Variants in PLA2G4C observed in about 807,000 individuals in gnomAD.
PLA2G4C encodes phospholipase A2 group IVC.
A neutral mutation model predicts 73.8 loss-of-function variants in PLA2G4C; 64 were observed. That is an observed-to-expected ratio of 0.87 (90% CI 0.71 to 1.07). PLA2G4C has a LOEUF of 1.07. Among genes scored for constraint, PLA2G4C ranks in the 50% least tolerant of loss-of-function variants. The pLI is 0.00. For synonymous variants in PLA2G4C, 254 were observed against 252.1 expected (o/e 1.01, Z -0.07); for missense variants, 622 against 665.4 (o/e 0.93, Z 0.72).
In PLA2G4C at chr19:48,068,731, T is replaced by TAA. The variant is rs532183992; in HGVS notation, c.1007-847_1007-846dup. Reference sequence around the variant, plus strand: ...TTAGATACAAGGGAGACCTTGTATCTAAAAAAAAAAAAAAAAGAAAAAAAG... The same window carrying TAA: ...TTAGATACAAGGGAGACCTTGTATCTAAAAAAAAAAAAAAAAAAGAAAAAAAG... On this transcript the variant is annotated intron_variant, in intron 12 of 16. Transcript: ENST00000599921. Among the ~76,000 whole-genome samples the TAA allele has an allele frequency of 6.0e-3, 587 of 97,816 alleles. 6 individuals carry two copies. The highest frequency in any genetic ancestry group is 0.02 in the African/African-American group (510 of 25,836). The allele number at this position is 97,816 out of a possible 152,430, so 64.2% of individuals were successfully genotyped here.
In PLA2G4C at chr19:48,104,405, G is replaced by A. The variant is rs2032062322; in HGVS notation, c.257+183C>T. 17 of 572,916 alleles carry A rather than the reference G, an allele frequency of 3.0e-5. No individual in the cohort carries two copies. In the East Asian group the frequency reaches 5.0e-4, roughly 17 times the overall value. The allele number at this position is 572,916 out of a possible 1,614,324, so 35.5% of individuals were successfully genotyped here. A position where few individuals can be genotyped will look rare whatever the true frequency, so the allele number is the denominator to read the frequency against. On this transcript the variant is annotated intron_variant, in intron 4 of 16. Transcript: ENST00000599921. ...TTTTGGGACTGAGCCCCTTTCACCT[G>A]TGGAATCTGATGTGAACTCCAGGTA...
intron 13 of PLA2G4C, among the ~76,000 whole-genome samples, chr19:48,066,044 G>T (rs11564626): frequency 5.3e-5 from 8 of 150,350 alleles, no homozygotes; most frequent in African/African-American, 7.4e-5. Flanking sequence ...CTGAGATCGC[G>T]CCATTGCACT....
chr19:48,077,952 T>C, intron 10 of PLA2G4C, 128 bp from the exon 11 acceptor site: 1 of 660,836 alleles, frequency 1.5e-6, no homozygotes, highest in Non-Finnish European at 2.5e-6. Context: ...TTGATACGGG[T>C]TCTGGAGAGC....
At chr19:48,109,963 A>G (rs1294560680) in intron 1 of PLA2G4C, among the ~76,000 whole-genome samples, 1 of 149,062 alleles carries the variant, frequency 6.7e-6, no homozygotes, top group East Asian at 2.1e-4. Flanking sequence ...TGGTTTTATA[A>G]GGAGAGATTA....
At chr19:48,064,609 G>A (rs908682392) in intron 13 of PLA2G4C, 14 of 152,118 alleles carry the variant, frequency 9.2e-5, no homozygotes, top group African/African-American at 2.4e-4. Context: ...ACCATCTAGA[G>A]GCTAGGAATG....
intron 12 of PLA2G4C, among the ~76,000 whole-genome samples, chr19:48,070,201 A>T (rs1968604397): frequency 6.6e-6 from 1 of 152,202 alleles, no homozygotes; most frequent in Admixed American, 6.6e-5. Flanking sequence ...AGGATGGTTT[A>T]ACATGTCAAC....
At chr19:48,062,705 G>C (rs1004670447) in intron 13 of PLA2G4C, among the ~76,000 whole-genome samples, 2 of 152,184 alleles carry the variant, frequency 1.3e-5, no homozygotes, top group African/African-American at 4.8e-5. Context: ...TCTTTAAAGA[G>C]GTAATTAAGG....
rs1967881711 is a variant in PLA2G4C at position 48,055,033 on chromosome 19, G to T, written c.1274C>A (p.Thr425Asn). 1 of 1,609,618 alleles carries T rather than the reference G, an allele frequency of 6.2e-7. No individual in the cohort carries two copies. The highest frequency in any genetic ancestry group is 1.7e-5 in the Admixed American group (1 of 59,692). Residue 425 changes from threonine (T) to asparagine (N), a missense_variant, in exon 15 of 17, where the codon ACT becomes AAT. Thr to Asn is a moderately conservative substitution (Grantham distance 65). Transcript: ENST00000599921. ...GATCTTGTGGCGGCGGCAGTAGTCAGTGGTAGCCCGGATGGTCTGAGAAGG... is the reference window on the plus strand; with the variant it reads ...GATCTTGTGGCGGCGGCAGTAGTCATTGGTAGCCCGGATGGTCTGAGAAGG... ...GDPFETIRAT[T>N]DYCRRHKIPF...
chr19:48,080,545 A>G (rs547485635), intron 10 of PLA2G4C, among the ~76,000 whole-genome samples: 6 of 152,278 alleles, frequency 3.9e-5, no homozygotes, highest in African/African-American at 1.4e-4. Context: ...GCAGTGGCTC[A>G]CGCCTGTAAT....
rs1600164630 is a variant in PLA2G4C, at chr19:48,061,903, C to T, written c.1257+95G>A. The T allele has an allele frequency of 6.8e-6, 9 of 1,318,976 alleles. 1 individual carries two copies. Among genetic ancestry groups the T allele is most frequent in the South Asian group, 5.0e-5 (4 of 80,486 alleles). 81.7% of individuals were successfully genotyped at this position (1,318,976 alleles called of 1,614,324 possible). ...TCCCAGCCAGCACCTCCCCATTGCC[C>T]GCTTCCCAGCCCGCGTCCTCAGTTC... is the stretch of plus-strand genomic sequence containing the variant. On this transcript the variant is annotated intron_variant, in intron 14 of 16. Coordinates refer to ENST00000599921, the MANE Select transcript of PLA2G4C (RefSeq NM_003706.3).
At chr19:48,109,275 C>T (rs1001772311) in intron 1 of PLA2G4C, among the ~76,000 whole-genome samples, 22 of 150,892 alleles carry the variant, frequency 1.5e-4, no homozygotes, top group African/African-American at 5.1e-4. Flanking sequence ...GATTCTTTTT[C>T]GTTGTTTGCT....
At chr19:48,067,411 G>A (rs1347311762) in intron 13 of PLA2G4C, among the ~76,000 whole-genome samples, 4 of 152,030 alleles carry the variant, frequency 2.6e-5, no homozygotes, top group Middle Eastern at 3.4e-3. Context: ...CAAGTGATCC[G>A]CCCGCCTCAG....
chr19:48,053,473 G>A lies in PLA2G4C; in HGVS notation c.1430-326C>T, dbSNP rs570068726. On this transcript the variant is annotated intron_variant, in intron 15 of 16. Coordinates refer to ENST00000599921, the MANE Select transcript of PLA2G4C (RefSeq NM_003706.3). ...TAACCTCCACCTCCTAGATTCAAGC[G>A]ATTCTCCTGCCTCAGCCTCCCAAGT... Among the ~76,000 whole-genome samples, 24 of 148,834 alleles carry A rather than the reference G, an allele frequency of 1.6e-4. No homozygotes were observed. In the East Asian group the frequency reaches 2.4e-3, roughly 15 times the overall value.
rs417931 is a variant in PLA2G4C, at chr19:48,107,623, G to A, written c.-32-1062C>T. ...CAGGAAAGGGAGTCTCCCTTTCCCC[G>A]GGGGAGTTAGGGAAGACTCTGCTCC... On this transcript the variant is annotated intron_variant, in intron 1 of 16. Coordinates refer to ENST00000599921, the MANE Select transcript of PLA2G4C (RefSeq NM_003706.3). Among the ~76,000 whole-genome samples the A allele has an allele frequency of 3.2e-3, 494 of 152,174 alleles. 3 individuals are homozygous for A. Among genetic ancestry groups the A allele is most frequent in the African/African-American group, 0.011 (461 of 41,540 alleles).
chr19:48,106,539 C>T lies in PLA2G4C; in HGVS notation c.-10G>A, dbSNP rs367872447. ...GGACTTACCTTCCCATGGTGCACTG[C>T]GGTCAGAAAATTCTCAGTCCTCCTG... On this transcript the variant is annotated 5_prime_UTR_variant, in exon 2 of 17. Transcript: ENST00000599921. 23 of 1,612,526 alleles carry T rather than the reference C, an allele frequency of 1.4e-5. No individual in the cohort carries two copies. The highest frequency in any genetic ancestry group is 1.6e-4 in the Middle Eastern group (1 of 6,082).
intron 2 of PLA2G4C, among the ~76,000 whole-genome samples, chr19:48,105,945 C>T (rs868650643): frequency 0.29 from 2,372 of 8,314 alleles, 686 homozygotes; most frequent in East Asian, 0.65. Context: ...CTCCCTCCCT[C>T]CCTTCTTTCT....
intron 9 of PLA2G4C, among the ~76,000 whole-genome samples, chr19:48,086,993 C>T (rs1185121798): frequency 6.6e-6 from 1 of 152,300 alleles, no homozygotes; most frequent in East Asian, 1.9e-4. Context: ...TTACCGGATT[C>T]CTTGGAGACA....
At chr19:48,094,229 C>G (rs2031456888) in intron 7 of PLA2G4C, among the ~76,000 whole-genome samples, 1 of 152,296 alleles carries the variant, frequency 6.6e-6, no homozygotes, top group East Asian at 1.9e-4. Flanking sequence ...ATACTGTAGT[C>G]ACTCTCCAGT....
rs113122016 is a variant in PLA2G4C, at chr19:48,102,287, T to C, written c.257+2301A>G. Among the ~76,000 whole-genome samples, 70 of 151,882 alleles carry C rather than the reference T, an allele frequency of 4.6e-4. 1 individual carries two copies. The highest frequency in any genetic ancestry group is 1.6e-3 in the African/African-American group (67 of 41,498). On this transcript the variant is annotated intron_variant, in intron 4 of 16. Transcript: ENST00000599921. ...AGGCAGATCACCTGAGGTCAGAAGT[T>C]TGAGACCAGCCTGGCCAACACGGGG...
Sources: allele counts gnomAD v4.1 joint callset (sites outside exome capture counted in the v4.1 genomes callset), GRCh38; gene constraint gnomAD v4.1.1; transcripts MANE v1.5; gene names NCBI Gene and HGNC (gene_info 2026-07-23, HGNC 2026-07-21).